Variants in HCRTR2 observed in about 807,000 individuals in gnomAD.
HCRTR2 encodes orexin receptor type 2.
In HCRTR2, 22 loss-of-function variants were observed where a neutral mutation model predicts 49.0. That is an observed-to-expected ratio of 0.45 (90% confidence interval 0.32 to 0.64). HCRTR2 has a LOEUF of 0.64. HCRTR2 is among the 30% of genes least tolerant of loss of function. HCRTR2 has a pLI of 0.04. For missense variants in HCRTR2, 491 were observed against 559.4 expected (o/e 0.88, Z 1.23); for synonymous variants, 236 against 205.3 (o/e 1.15, Z -1.28).
chr6:55,164,130 G>T (rs1251221658), intron 1 of HCRTR2, among the ~76,000 whole-genome samples: 1 of 152,192 alleles, frequency 6.6e-6, no homozygotes, highest in Non-Finnish European at 1.5e-5. Context: ...AACAACAGAT[G>T]CTGGAGAGGA....
At chr6:55,216,815 C>T (rs1381597141) in intron 1 of HCRTR2, among the ~76,000 whole-genome samples, 1 of 152,162 alleles carries the variant, frequency 6.6e-6, no homozygotes, top group Non-Finnish European at 1.5e-5. Flanking sequence ...GGCTCTCACC[C>T]CGTATTTTTA....
At chr6:55,274,335 A>C (rs2127329179) in intron 4 of HCRTR2, among the ~76,000 whole-genome samples, 1 of 147,686 alleles carries the variant, frequency 6.8e-6, no homozygotes, top group African/African-American at 2.4e-5. Context: ...ATATATACTT[A>C]TATATATATT....
chr6:55,134,746 C>T (rs750725627), intron 1 of HCRTR2, among the ~76,000 whole-genome samples: 5 of 151,966 alleles, frequency 3.3e-5, no homozygotes, highest in Non-Finnish European at 7.4e-5. Context: ...CTTGCTGTGT[C>T]TGGCTTATTT....
chr6:55,233,102 T>G (rs1271428790), intron 1 of HCRTR2, among the ~76,000 whole-genome samples: 1 of 151,962 alleles, frequency 6.6e-6, no homozygotes, highest in Non-Finnish European at 1.5e-5. Context: ...CTGCTTTTTT[T>G]TTTTTTGATG....
chr6:55,263,714 T>A lies in HCRTR2; in HGVS notation c.654T>A (p.Ile218=). The A allele has an allele frequency of 6.3e-7, 1 of 1,597,444 alleles. No homozygotes were observed. Among genetic ancestry groups the A allele is most frequent in the Non-Finnish European group, 8.6e-7 (1 of 1,165,838 alleles). ...TVCDERWGGE[I]YPKMYHICFF... ...TTTTGACTTTCATCCTAGGTGAAAT[T>A]TATCCCAAGATGTACCACATCTGTT... Residue 218 remains isoleucine, a synonymous_variant, in exon 4 of 7, where the codon ATT becomes ATA. Transcript: ENST00000370862.
intron 1 of HCRTR2, among the ~76,000 whole-genome samples, chr6:55,175,551 T>C (rs1210167891): frequency 6.6e-6 from 1 of 152,012 alleles, no homozygotes; most frequent in Non-Finnish European, 1.5e-5. Flanking sequence ...GGCTCAGGAA[T>C]TATTCATGTC....
At chr6:55,201,429 A>T (rs1264057208) in intron 1 of HCRTR2, among the ~76,000 whole-genome samples, 5 of 152,114 alleles carry the variant, frequency 3.3e-5, no homozygotes, top group Admixed American at 3.3e-4. Flanking sequence ...AGGTACATCT[A>T]GAATACTCAT....
At chr6:55,115,506 GTGTGTGGTA>G (rs1433297755) in intron 1 of HCRTR2, among the ~76,000 whole-genome samples, 42 of 136,360 alleles carry the variant, frequency 3.1e-4, no homozygotes, top group Admixed American at 3.7e-4. Flanking sequence ...GTGTGTGTGT[GTGTGTGGTA>G]GTAGTAGTAG....
chr6:55,278,811 CTT>C (rs1767132189), intron 5 of HCRTR2, among the ~76,000 whole-genome samples: 1 of 151,224 alleles, frequency 6.6e-6, no homozygotes, highest in Non-Finnish European at 1.5e-5. Flanking sequence ...TAGATACTCT[CTT>C]CTGCTTTTAA....
chr6:55,225,451 A>G (rs756690049), intron 1 of HCRTR2, among the ~76,000 whole-genome samples: 1 of 152,156 alleles, frequency 6.6e-6, no homozygotes, highest in Admixed American at 6.5e-5. Flanking sequence ...TTCTCAGACC[A>G]TATGGTGATA....
intron 1 of HCRTR2, among the ~76,000 whole-genome samples, chr6:55,141,391 C>G (rs1403269358): frequency 6.6e-6 from 1 of 151,864 alleles, no homozygotes; most frequent in East Asian, 1.9e-4. Flanking sequence ...TTAGAAATGG[C>G]TGTTTTTCAT....
intron 1 of HCRTR2, among the ~76,000 whole-genome samples, chr6:55,176,820 C>G (rs1765048441): frequency 6.6e-6 from 1 of 152,140 alleles, no homozygotes; most frequent in African/African-American, 2.4e-5. Flanking sequence ...TGCATCAACG[C>G]CCACTGCCAA....
intron 1 of HCRTR2, among the ~76,000 whole-genome samples, chr6:55,245,107 C>T (rs895633339): frequency 2.0e-5 from 3 of 151,534 alleles, no homozygotes; most frequent in African/African-American, 7.3e-5. Context: ...ATACGATACC[C>T]ACAGCTTTGT....
intron 1 of HCRTR2, among the ~76,000 whole-genome samples, chr6:55,179,471 TCTTA>T (rs1363736449): frequency 6.6e-6 from 1 of 152,212 alleles, no homozygotes; most frequent in Non-Finnish European, 1.5e-5. Context: ...AACTGTTTAG[TCTTA>T]CTTAGTAAAA....
chr6:55,251,896 C>A (rs1211117395), intron 2 of HCRTR2, among the ~76,000 whole-genome samples: 1 of 151,980 alleles, frequency 6.6e-6, no homozygotes, highest in Non-Finnish European at 1.5e-5. Context: ...CATTCATAAT[C>A]CACACTAGAT....
At chr6:55,221,396 T>C (rs1765888281) in intron 1 of HCRTR2, among the ~76,000 whole-genome samples, 2 of 152,082 alleles carry the variant, frequency 1.3e-5, no homozygotes, top group South Asian at 4.1e-4. Flanking sequence ...TAAAATAATA[T>C]ACAAAGCACA....
chr6:55,261,521 T>G (rs1483627152), intron 3 of HCRTR2, among the ~76,000 whole-genome samples: 2 of 152,086 alleles, frequency 1.3e-5, no homozygotes, highest in Non-Finnish European at 2.9e-5. Flanking sequence ...ACTCCTGCCT[T>G]GGTCTCCCAA....
chr6:55,131,520 G>T (rs1292070504), intron 1 of HCRTR2, among the ~76,000 whole-genome samples: 1 of 151,624 alleles, frequency 6.6e-6, no homozygotes, highest in East Asian at 1.9e-4. Flanking sequence ...AAGGATAATA[G>T]CTATGAAATA....
At chr6:55,233,182 G>A (rs1056863716) in intron 1 of HCRTR2, among the ~76,000 whole-genome samples, 16 of 151,352 alleles carry the variant, frequency 1.1e-4, no homozygotes, top group East Asian at 3.9e-4. Context: ...TCCGCCTCTC[G>A]GATTCTAGTG....
Sources: allele counts gnomAD v4.1 joint callset (sites outside exome capture counted in the v4.1 genomes callset), GRCh38; gene constraint gnomAD v4.1.1; transcripts MANE v1.5; gene names NCBI Gene and HGNC (gene_info 2026-07-23, HGNC 2026-07-21).